The following MAGI1 variants were observed in gnomAD, a reference collection of about 807,000 sequenced individuals.
MAGI1 encodes the protein membrane associated guanylate kinase, WW and PDZ domain containing 1, also known as membrane-associated guanylate kinase, WW and PDZ domain-containing protein 1.
In MAGI1, 58 loss-of-function variants were observed where a neutral mutation model predicts 139.9. The observed-to-expected ratio is 0.41, with a 90% CI of 0.34 to 0.52. The LOEUF (loss-of-function observed/expected upper bound fraction) is 0.52. Ranked by LOEUF, MAGI1 falls within the 20% of genes least tolerant of loss-of-function variation. The pLI, the probability that MAGI1 is intolerant of heterozygous loss-of-function variation, is 0.12. For synonymous variants in MAGI1, 812 were observed against 737.9 expected (o/e 1.10, Z -1.63); for missense variants, 1,874 against 1,901.6 (o/e 0.99, Z 0.27).
intron 1 of MAGI1, among the ~76,000 whole-genome samples, chr3:65,675,482 T>A (rs193229017): frequency 1.0e-3 from 153 of 152,064 alleles, no homozygotes; most frequent in Non-Finnish European, 1.5e-3. Flanking sequence ...ACAGAAAAAA[T>A]TATTTATTAG....
At chr3:65,831,566 T>C (rs2042530572) in intron 1 of MAGI1, among the ~76,000 whole-genome samples, 2 of 152,226 alleles carry the variant, frequency 1.3e-5, no homozygotes, top group South Asian at 4.1e-4. Context: ...GACTGGCCTC[T>C]AACTCTTGAA....
intron 1 of MAGI1, among the ~76,000 whole-genome samples, chr3:65,771,419 T>C (rs1015855947): frequency 4.6e-5 from 7 of 152,244 alleles, no homozygotes; most frequent in East Asian, 3.9e-4. Flanking sequence ...TCAGGTAGTA[T>C]AGCACCATGG....
chr3:65,836,285 T>TA (rs2042800257), intron 1 of MAGI1, among the ~76,000 whole-genome samples: 3 of 152,152 alleles, frequency 2.0e-5, no homozygotes. Context: ...GTCAGAAGAA[T>TA]AAACCACTCT....
At chr3:65,896,984 G>A (rs1257362475) in intron 1 of MAGI1, among the ~76,000 whole-genome samples, 1 of 152,038 alleles carries the variant, frequency 6.6e-6, no homozygotes, top group Non-Finnish European at 1.5e-5. Context: ...AAAATCCACA[G>A]ATGCTCACAT....
intron 1 of MAGI1, among the ~76,000 whole-genome samples, chr3:65,669,731 CTT>C (rs1163889621): frequency 6.6e-6 from 1 of 152,170 alleles, no homozygotes; most frequent in African/African-American, 2.4e-5. Flanking sequence ...AAGCTCTGCT[CTT>C]GTCTGCAGCT....
chr3:65,869,965 C>G (rs899912768), intron 1 of MAGI1, among the ~76,000 whole-genome samples: 1 of 152,162 alleles, frequency 6.6e-6, no homozygotes, highest in Non-Finnish European at 1.5e-5. Context: ...CCCTAGAAAT[C>G]GAAATCTGCA....
At chr3:65,587,531 T>C (rs2081748015) in intron 2 of MAGI1, among the ~76,000 whole-genome samples, 1 of 147,386 alleles carries the variant, frequency 6.8e-6, no homozygotes, top group Non-Finnish European at 1.5e-5. Context: ...TCGCCCAGGC[T>C]GGAGTGCACT....
At chr3:65,810,897 G>A (rs2041187921) in intron 1 of MAGI1, among the ~76,000 whole-genome samples, 2 of 152,128 alleles carry the variant, frequency 1.3e-5, no homozygotes, top group Admixed American at 1.3e-4. Flanking sequence ...TTTCAGGAGG[G>A]CTCCAGGCAG....
intron 2 of MAGI1, among the ~76,000 whole-genome samples, chr3:65,613,486 C>G (rs985856828): frequency 1.3e-5 from 2 of 152,142 alleles, no homozygotes; most frequent in Admixed American, 1.3e-4. Flanking sequence ...TAAAGAACAC[C>G]AGCCAAACCA....
chr3:65,515,266 AAC>A (rs2107774308), intron 2 of MAGI1, among the ~76,000 whole-genome samples: 1 of 147,076 alleles, frequency 6.8e-6, no homozygotes, highest in Admixed American at 6.8e-5. Context: ...ATATGTAACT[AAC>A]CTGCACAATG....
intron 7 of MAGI1, 134 bp from the exon 8 acceptor site, chr3:65,442,983 AC>A (rs1948447769): frequency 7.6e-6 from 4 of 527,940 alleles, no homozygotes; most frequent in Non-Finnish European, 1.3e-5. Context: ...GTATATCCTA[AC>A]CAAAAAAAAA....
intron 1 of MAGI1, among the ~76,000 whole-genome samples, chr3:65,693,490 G>C (rs1030657636): frequency 4.6e-5 from 7 of 152,146 alleles, no homozygotes; most frequent in African/African-American, 1.7e-4. Context: ...AAGGCCAAGT[G>C]AGATTCTAAA....
At chr3:65,477,692 C>CATTATTATT (rs145971501) in intron 4 of MAGI1, among the ~76,000 whole-genome samples, 4,144 of 138,530 alleles carry the variant, frequency 0.03, 94 homozygotes, top group Admixed American at 0.059. Context: ...GAACACGCAA[C>CATTATTATT]ATTATTATTA....
chr3:65,523,001 C>G (rs1296126668), intron 2 of MAGI1, among the ~76,000 whole-genome samples: 1 of 152,114 alleles, frequency 6.6e-6, no homozygotes, highest in Non-Finnish European at 1.5e-5. Flanking sequence ...TATGGGTTCT[C>G]ATAGCATTCA....
chr3:65,975,964 A>T (rs2065244605), intron 1 of MAGI1, among the ~76,000 whole-genome samples: 1 of 152,208 alleles, frequency 6.6e-6, no homozygotes. Flanking sequence ...ACCAGGCTGA[A>T]GTCAGTTGCT....
intron 8 of MAGI1, among the ~76,000 whole-genome samples, chr3:65,440,922 A>G (rs1948277623): frequency 6.6e-6 from 1 of 151,468 alleles, no homozygotes; most frequent in Admixed American, 6.6e-5. Flanking sequence ...ATATACACAC[A>G]CACACATATA....
Position 65,507,581 on chromosome 3 carries a change from T to C in MAGI1, c.431-13950A>G, listed in dbSNP as rs1479773199. 2.0e-5 allele frequency among the ~76,000 whole-genome samples: 3 copies of C among 152,204 alleles called. 1 individual carries two copies. The highest frequency in any genetic ancestry group is 4.1e-4 in the South Asian group (2 of 4,832). On this transcript the variant is annotated intron_variant, in intron 2 of 22. Coordinates refer to ENST00000402939, the MANE Select transcript of MAGI1 (RefSeq NM_001033057.2). Reference sequence around the variant, plus strand: ...ATTCCTAGAAAACTAAACTACAGCTTTGATTCCCAGCCCCTTCCATTACCT... The same window carrying C: ...ATTCCTAGAAAACTAAACTACAGCTCTGATTCCCAGCCCCTTCCATTACCT...
At chr3:65,596,023 T>C (rs746279819) in intron 2 of MAGI1, among the ~76,000 whole-genome samples, 10 of 152,178 alleles carry the variant, frequency 6.6e-5, no homozygotes, top group Non-Finnish European at 1.3e-4. Flanking sequence ...CTAAAATTCA[T>C]TGGCAAGTGA....
intron 1 of MAGI1, among the ~76,000 whole-genome samples, chr3:65,638,412 A>G (rs998235310): frequency 2.6e-5 from 4 of 151,900 alleles, no homozygotes; most frequent in Non-Finnish European, 4.4e-5. Flanking sequence ...CAGCCTTTCC[A>G]TATCTCCAGA....
Sources: gnomAD v4.1 joint callset for allele counts (sites outside exome capture counted in the v4.1 genomes callset) on GRCh38, gnomAD v4.1.1 for gene constraint, MANE v1.5 for transcripts, NCBI Gene and HGNC (gene_info 2026-07-23, HGNC 2026-07-21) for gene names.